DSG4: variants seen among roughly 807,000 people sequenced by gnomAD.
DSG4 encodes desmoglein 4, also known as desmoglein-4.
In DSG4, 87 loss-of-function variants were observed where a neutral mutation model predicts 93.1. The observed-to-expected ratio is 0.93, with a 90% CI of 0.79 to 1.12. The LOEUF is 1.12. DSG4 is among the 50% of genes most tolerant of loss of function. The probability of loss-of-function intolerance (pLI) is 0.00; values close to 1 mark genes in which losing one functional copy is unlikely to be tolerated. For synonymous variants in DSG4, 432 were observed against 452.9 expected (o/e 0.95, Z 0.59); for missense variants, 1,373 against 1,285.7 (o/e 1.07, Z -1.04).
chr18:31,409,862 C>T, intron 14 of DSG4, 54 bp downstream of exon 14: 5 of 1,580,092 alleles, frequency 3.2e-6, no homozygotes, highest in Non-Finnish European at 4.3e-6. Context: ...AATTATTCAA[C>T]CAGACCAACT....
At chr18:31,382,139 G>C (rs923372901) in intron 1 of DSG4, among the ~76,000 whole-genome samples, 1 of 151,978 alleles carries the variant, frequency 6.6e-6, no homozygotes, top group Non-Finnish European at 1.5e-5. Context: ...ATCTCTCCAG[G>C]TTATGTTTGC....
chr18:31,403,536 T>C lies in DSG4; in HGVS notation c.1538T>C (p.Ile513Thr), dbSNP rs1268799287. 6.2e-7 allele frequency: 1 copy of C among 1,614,136 alleles called. No individual in the cohort carries two copies. Among genetic ancestry groups the C allele is most frequent in the East Asian group, 2.2e-5 (1 of 44,880 alleles). The change falls in exon 11 of 16, where the codon ATC (isoleucine) becomes ACC (threonine). Residue 513 changes from isoleucine (I) to threonine (T), a missense_variant. Ile to Thr is a moderately conservative substitution (Grantham distance 89). Transcript: ENST00000308128. Reference sequence around the variant, plus strand: ...TGCATTGACTCTCCATCAGTCCTTATCTCTGTTAATGAACATTCTTATGGG... The same window carrying C: ...TGCATTGACTCTCCATCAGTCCTTACCTCTGTTAATGAACATTCTTATGGG... ...TICIDSPSVL[I>T]SVNEHSYGSP... is the part of the protein sequence containing the mutation.
At chr18:31,411,201 C>T in intron 14 of DSG4, 30 bp from the exon 15 acceptor site, 1 of 1,614,246 alleles carries the variant, frequency 6.2e-7, no homozygotes, top group Non-Finnish European at 8.5e-7. Flanking sequence ...GCAACTCCAG[C>T]GCTGTTAAAC....
chr18:31,395,174 T>G (rs529524680), intron 8 of DSG4, among the ~76,000 whole-genome samples: 1 of 151,456 alleles, frequency 6.6e-6, no homozygotes, highest in African/African-American at 2.4e-5. Context: ...CATACAATTA[T>G]AAATATGAAA....
intron 12 of DSG4, among the ~76,000 whole-genome samples, chr18:31,406,895 A>T (rs551716666): frequency 6.6e-6 from 1 of 151,978 alleles, no homozygotes; most frequent in South Asian, 2.1e-4. Context: ...CTCCTGCCTC[A>T]GCCTCCCGAG....
intron 8 of DSG4, among the ~76,000 whole-genome samples, chr18:31,393,852 C>A (rs900436032): frequency 6.6e-6 from 1 of 152,150 alleles, no homozygotes; most frequent in Non-Finnish European, 1.5e-5. Context: ...ACCATACACA[C>A]TGAAATCATA....
intron 9 of DSG4, 78 bp downstream of exon 9, chr18:31,399,621 T>C (rs1021065087): frequency 6.3e-7 from 1 of 1,589,928 alleles, no homozygotes. Flanking sequence ...ATATGTTGGT[T>C]GTAATACTTT....
At chr18:31,398,026 C>CAAAAAA (rs58572396) in intron 8 of DSG4, among the ~76,000 whole-genome samples, 2 of 80,810 alleles carry the variant, frequency 2.5e-5, no homozygotes. Context: ...GACCCTGTCT[C>CAAAAAA]AAAAAAAAAA....
At chr18:31,387,164 T>C (rs1015327010) in intron 3 of DSG4, among the ~76,000 whole-genome samples, 1 of 152,190 alleles carries the variant, frequency 6.6e-6, no homozygotes, top group African/African-American at 2.4e-5. Flanking sequence ...AAGCCAAGTT[T>C]ACTGCACTAG....
At position 31,388,456 on chromosome 18, in the gene DSG4, TAATCCTCGCACTGGGGA is replaced by T; in HGVS notation, c.310_326del (p.Pro104Ter). ...GACCACCATATGGGGTATTCACCAT[TAATCCTCGCACTGGGGA>T]AATTAACATCACTTCAGTGGTAGAC... On this transcript the variant is annotated frameshift_variant, in exon 4 of 16. Coordinates refer to ENST00000308128, the MANE Select transcript of DSG4 (RefSeq NM_177986.5). LOFTEE classifies it high-confidence loss of function. 3.1e-6 allele frequency: 5 copies of T among 1,613,604 alleles called. No homozygotes were observed. The highest frequency in any genetic ancestry group is 4.2e-6 in the Non-Finnish European group (5 of 1,179,646).
At chr18:31,386,276 TGG>T (rs1311359396) in intron 2 of DSG4, among the ~76,000 whole-genome samples, 1 of 152,200 alleles carries the variant, frequency 6.6e-6, no homozygotes, top group East Asian at 1.9e-4. Context: ...TTATGTTATA[TGG>T]GATGTGCATA....
rs373874545 is a variant in DSG4, at chr18:31,384,403, A to AT, written c.49-730dup. ...AAATAAAATTTCTATTCATATGTAT[A>AT]TTTCATTACAGACAAGTATGCTAGG... is the stretch of plus-strand genomic sequence containing the variant. On this transcript the variant is annotated intron_variant, in intron 1 of 15. Transcript: ENST00000308128. 2.3e-4 allele frequency among the ~76,000 whole-genome samples: 35 copies of AT among 152,272 alleles called. 1 individual carries two copies. The South Asian group carries it at 5.6e-3, about 24-fold the overall frequency.
At chr18:31,399,162 C>T (rs1598745247) in intron 8 of DSG4, 110 bp from the exon 9 acceptor site, 3 of 1,385,820 alleles carry the variant, frequency 2.2e-6, no homozygotes, top group South Asian at 1.3e-5. Flanking sequence ...ATCTAAACAG[C>T]GTATCTCCTG....
intron 8 of DSG4, among the ~76,000 whole-genome samples, 197 bp downstream of exon 8, chr18:31,392,537 A>C (rs903883994): frequency 1.3e-5 from 2 of 152,202 alleles, no homozygotes; most frequent in African/African-American, 4.8e-5. Flanking sequence ...TACCAAGAAA[A>C]ATATGAAGAC....
intron 8 of DSG4, among the ~76,000 whole-genome samples, chr18:31,396,338 GA>G (rs2072304947): frequency 7.6e-6 from 1 of 131,296 alleles, no homozygotes; most frequent in Non-Finnish European, 1.6e-5. Context: ...ACTCTCGGAA[GA>G]AAATAGGGTC....
intron 9 of DSG4, 105 bp downstream of exon 9, chr18:31,399,648 T>C (rs2072344288): frequency 6.9e-6 from 10 of 1,459,332 alleles, no homozygotes; most frequent in Non-Finnish European, 9.5e-6. Flanking sequence ...GCTTTTTTGC[T>C]TTTATTATTC....
chr18:31,402,532 GCT>G (rs2072379307), intron 10 of DSG4, among the ~76,000 whole-genome samples: 2 of 152,068 alleles, frequency 1.3e-5, no homozygotes, highest in African/African-American at 2.4e-5. Context: ...CTATAGGTAG[GCT>G]CTCAGTTTAT....
Position 31,388,999 on chromosome 18 carries a change from T to G in DSG4, c.498T>G (p.Ile166Met), listed in dbSNP as rs779253679. 35 of 1,613,220 alleles carry G rather than the reference T, an allele frequency of 2.2e-5. No homozygotes were observed. Among genetic ancestry groups the G allele is most frequent in the Non-Finnish European group, 3.0e-5 (35 of 1,179,352 alleles). ...VFSQSVYTAS[I>M]EENSDANTLV... ...CGCAAAGTGTATACACAGCCAGCAT[T>G]GAAGAAAATAGTGATGCCAGTAAGT... The change falls in exon 5 of 16, where the codon ATT becomes ATG. Residue 166 changes from isoleucine (I) to methionine (M), a missense_variant. Coordinates refer to ENST00000308128, the MANE Select transcript of DSG4 (RefSeq NM_177986.5).
intron 8 of DSG4, among the ~76,000 whole-genome samples, chr18:31,392,564 T>C (rs1362670826): frequency 1.3e-5 from 2 of 152,198 alleles, no homozygotes; most frequent in Non-Finnish European, 2.9e-5. Flanking sequence ...GTTCTGACAG[T>C]GTCCAATATC....
Sources: allele counts gnomAD v4.1 joint callset (sites outside exome capture counted in the v4.1 genomes callset), GRCh38; gene constraint gnomAD v4.1.1; transcripts MANE v1.5; gene names NCBI Gene and HGNC (gene_info 2026-07-23, HGNC 2026-07-21).